The following LRP1B variants were observed in gnomAD, a reference collection of about 807,000 sequenced individuals.
LRP1B encodes low-density lipoprotein receptor-related protein 1B.
A neutral mutation model predicts 556.6 loss-of-function variants in LRP1B; 217 were observed. That is an observed-to-expected ratio of 0.39 (90% confidence interval 0.35 to 0.44). The LOEUF (loss-of-function observed/expected upper bound fraction) is 0.44. Among genes scored for constraint, LRP1B ranks in the 20% least tolerant of loss-of-function variants. LRP1B has a pLI of 1.00. For missense variants in LRP1B, 5,053 were observed against 5,620.8 expected, an observed-to-expected ratio of 0.90 and a Z score of 3.23; for synonymous variants, 2,047 against 1,865.8, an observed-to-expected ratio of 1.10 and a Z score of -2.50.
chr2:141,143,222 C>T (rs1701702318), intron 7 of LRP1B, among the ~76,000 whole-genome samples: 2 of 152,120 alleles, frequency 1.3e-5, no homozygotes, highest in African/African-American at 4.8e-5. Flanking sequence ...AGCCACCGCA[C>T]CCAGAGATCA....
chr2:140,579,668 C>A (rs546114385), intron 43 of LRP1B, among the ~76,000 whole-genome samples: 393 of 152,120 alleles, frequency 2.6e-3, no homozygotes, highest in African/African-American at 8.9e-3. Flanking sequence ...AGGGCATAAC[C>A]CCATCTCTAC....
At chr2:140,953,081 CT>C in intron 18 of LRP1B, among the ~76,000 whole-genome samples, 1 of 151,998 alleles carries the variant, frequency 6.6e-6, no homozygotes. Context: ...GGTCCATATT[CT>C]TTTTGTTTGT....
chr2:141,325,482 T>C (rs1270475508), intron 3 of LRP1B, among the ~76,000 whole-genome samples: 1 of 152,140 alleles, frequency 6.6e-6, no homozygotes, highest in African/African-American at 2.4e-5. Flanking sequence ...ATAAGGTCAT[T>C]GCAAACAGTC....
chr2:140,645,533 C>CT (rs36082249), intron 41 of LRP1B, among the ~76,000 whole-genome samples: 6,399 of 81,302 alleles, frequency 0.079, 758 homozygotes, highest in African/African-American at 0.19. Context: ...TGCCAATATT[C>CT]TTTTTTTTTT....
chr2:141,707,448 G>T (rs767464086), intron 2 of LRP1B, among the ~76,000 whole-genome samples: 3 of 151,960 alleles, frequency 2.0e-5, no homozygotes, highest in Non-Finnish European at 4.4e-5. Flanking sequence ...TCACTCCTGG[G>T]AACATTTGGC....
At chr2:142,046,268 G>C (rs188238122) in intron 1 of LRP1B, among the ~76,000 whole-genome samples, 8 of 152,036 alleles carry the variant, frequency 5.3e-5, no homozygotes, top group Admixed American at 4.6e-4. Flanking sequence ...GAATGTCCAA[G>C]TAATGACAAA....
chr2:142,115,073 G>T (rs1042336509), intron 1 of LRP1B, among the ~76,000 whole-genome samples: 1 of 151,918 alleles, frequency 6.6e-6, no homozygotes, highest in Non-Finnish European at 1.5e-5. Context: ...TGAGCAAAAT[G>T]ATTTCTTTTG....
intron 1 of LRP1B, among the ~76,000 whole-genome samples, chr2:142,107,073 T>C (rs1251511900): frequency 2.6e-5 from 4 of 152,166 alleles, no homozygotes; most frequent in Non-Finnish European, 5.9e-5. Flanking sequence ...TTCTGCTTAG[T>C]TGTTTAATTC....
intron 26 of LRP1B, 39 bp downstream of exon 26, chr2:140,868,060 G>T (rs1559165235): frequency 6.6e-7 from 1 of 1,524,190 alleles, no homozygotes; most frequent in Admixed American, 2.1e-5. Context: ...TATTATCTAA[G>T]TAAAAAAAAA....
rs74547492 is a variant in LRP1B, at chr2:142,033,408, T to A, written c.82+97240A>T. On this transcript the variant is annotated intron_variant, in intron 1 of 90. Coordinates refer to ENST00000389484, the MANE Select transcript of LRP1B (RefSeq NM_018557.3). ...TTTCTCGATGGACATTTTCACCTAA[T>A]TGCAGACATCTACTATTACTTACAT... 7.2e-5 allele frequency among the ~76,000 whole-genome samples: 11 copies of A among 151,828 alleles called. No individual in the cohort carries two copies. The East Asian group carries it at 1.9e-3, about 27-fold the overall frequency.
chr2:140,840,698 C>T (rs1380850151), intron 30 of LRP1B, among the ~76,000 whole-genome samples: 1 of 152,128 alleles, frequency 6.6e-6, no homozygotes, highest in Non-Finnish European at 1.5e-5. Flanking sequence ...TTAATGAGAT[C>T]TTACATATGT....
intron 83 of LRP1B, among the ~76,000 whole-genome samples, chr2:140,312,529 T>G (rs1684346372): frequency 6.6e-6 from 1 of 151,994 alleles, no homozygotes; most frequent in Non-Finnish European, 1.5e-5. Context: ...CAAAAATGTC[T>G]TAATGATATC....
chr2:140,541,735 GATT>G (rs1680139213), intron 44 of LRP1B, 41 bp downstream of exon 44: 2 of 1,432,414 alleles, frequency 1.4e-6, no homozygotes, highest in African/African-American at 1.4e-5. Flanking sequence ...AGAGATCAGA[GATT>G]ATACAATGAA....
At chr2:141,562,769 C>A (rs768108513) in intron 2 of LRP1B, among the ~76,000 whole-genome samples, 3 of 151,866 alleles carry the variant, frequency 2.0e-5, no homozygotes, top group Non-Finnish European at 4.4e-5. Context: ...TTCAAATATT[C>A]GAGTACCTTG....
intron 1 of LRP1B, among the ~76,000 whole-genome samples, chr2:141,928,124 C>T (rs184842214): frequency 6.3e-4 from 96 of 152,250 alleles, no homozygotes; most frequent in Admixed American, 5.9e-4. Flanking sequence ...AAAAAAATAG[C>T]TTCCATTGCA....
intron 3 of LRP1B, among the ~76,000 whole-genome samples, chr2:141,293,269 T>C (rs2105413749): frequency 6.6e-6 from 1 of 152,284 alleles, no homozygotes; most frequent in East Asian, 1.9e-4. Flanking sequence ...ATGACTCAAA[T>C]ATCATACATA....
In LRP1B at chr2:141,810,579, AAC is replaced by A. The variant is rs1696324171; in HGVS notation, c.83-180_83-179del. ...TTCTTAATTTTAACCACTCAGCTGA[AAC>A]ACACAATTTTAATACACTTGACTTT... On this transcript the variant is annotated intron_variant, in intron 1 of 90. Transcript: ENST00000389484. 2.0e-5 allele frequency among the ~76,000 whole-genome samples: 3 copies of A among 152,254 alleles called. 1 individual carries two copies. The South Asian group carries it at 6.2e-4, about 32-fold the overall frequency.
rs1683690897 is a variant in LRP1B, at chr2:140,298,400, AATCTACATAAAACATTAG to A, written c.12806-449_12806-432del. Among the ~76,000 whole-genome samples the A allele has an allele frequency of 2.0e-5, 3 of 152,178 alleles. No individual in the cohort carries two copies. In the South Asian group the frequency reaches 6.2e-4, roughly 31 times the overall value. The stretch of plus-strand genomic sequence containing the variant: ...AAACATCATCTACCAACCACTGCTG[AATCTACATAAAACATTAG>A]ATTACACATGTTATAAATAAATCTT... On this transcript the variant is annotated intron_variant, in intron 83 of 90. Coordinates refer to ENST00000389484, the MANE Select transcript of LRP1B (RefSeq NM_018557.3).
chr2:141,350,487 T>C (rs1220818454), intron 3 of LRP1B, among the ~76,000 whole-genome samples: 1 of 152,054 alleles, frequency 6.6e-6, no homozygotes, highest in Non-Finnish European at 1.5e-5. Context: ...TGAAACATTT[T>C]TCTTTGAATT....
Sources: gnomAD v4.1 joint callset for allele counts (sites outside exome capture counted in the v4.1 genomes callset) on GRCh38, gnomAD v4.1.1 for gene constraint, MANE v1.5 for transcripts, NCBI Gene and HGNC (gene_info 2026-07-23, HGNC 2026-07-21) for gene names.